The following SLC25A13 variants were observed in gnomAD, a reference collection of about 807,000 sequenced individuals.
SLC25A13 encodes the protein solute carrier family 25 member 13, also known as electrogenic aspartate/glutamate antiporter SLC25A13, mitochondrial.
In SLC25A13, 70 loss-of-function variants were observed where a neutral mutation model predicts 85.5. The observed-to-expected ratio is 0.82, with a 90% CI of 0.68 to 1.00. The LOEUF (loss-of-function observed/expected upper bound fraction) is 1.00. Among genes scored for constraint, SLC25A13 ranks in the 50% least tolerant of loss-of-function variants. The pLI is 0.00. For missense variants in SLC25A13, 765 were observed against 819.8 expected, an observed-to-expected ratio of 0.93 and a Z score of 0.82; for synonymous variants, 259 against 288.7, an observed-to-expected ratio of 0.90 and a Z score of 1.04.
chr7:96,293,920 C>T (rs1433092294), intron 2 of SLC25A13, among the ~76,000 whole-genome samples: 1 of 152,118 alleles, frequency 6.6e-6, no homozygotes, highest in Non-Finnish European at 1.5e-5. Context: ...CCCAGCAATC[C>T]CATTACTGGG....
intron 1 of SLC25A13, among the ~76,000 whole-genome samples, chr7:96,321,259 A>G (rs944990481): frequency 6.6e-6 from 1 of 152,208 alleles, no homozygotes; most frequent in Non-Finnish European, 1.5e-5. Flanking sequence ...ACAGGCTCCC[A>G]GGACAATCTG....
At chr7:96,222,931 C>T (rs1277008573) in intron 4 of SLC25A13, among the ~76,000 whole-genome samples, 1 of 152,110 alleles carries the variant, frequency 6.6e-6, no homozygotes, top group African/African-American at 2.4e-5. Context: ...ATAAACTATT[C>T]TACAATCAAT....
At chr7:96,266,240 C>T (rs766798968) in intron 3 of SLC25A13, among the ~76,000 whole-genome samples, 1 of 152,194 alleles carries the variant, frequency 6.6e-6, no homozygotes, top group Non-Finnish European at 1.5e-5. Flanking sequence ...TCAGGGACTT[C>T]CAGGAGTCCA....
At chr7:96,142,790 A>T (rs886570489) in intron 14 of SLC25A13, among the ~76,000 whole-genome samples, 2 of 152,220 alleles carry the variant, frequency 1.3e-5, no homozygotes, top group African/African-American at 4.8e-5. Flanking sequence ...TAAAAAAATC[A>T]ATCTCTCTTT....
intron 3 of SLC25A13, among the ~76,000 whole-genome samples, chr7:96,257,818 A>T (rs1415848025): frequency 6.6e-6 from 1 of 152,240 alleles, no homozygotes; most frequent in Non-Finnish European, 1.5e-5. Flanking sequence ...AATCCTCAAT[A>T]AAATACTGGC....
intron 15 of SLC25A13, among the ~76,000 whole-genome samples, chr7:96,128,939 G>GCTCTCTCTCTCTCA: frequency 1.2e-5 from 1 of 81,902 alleles, no homozygotes; most frequent in South Asian, 5.4e-4. Context: ...TGCCTTGCTT[G>GCTCTCTCTCTCTCA]CTCTCTCTCT....
intron 1 of SLC25A13, among the ~76,000 whole-genome samples, chr7:96,313,782 A>T (rs970509427): frequency 2.6e-5 from 4 of 152,156 alleles, no homozygotes; most frequent in Admixed American, 1.3e-4. Flanking sequence ...ATTATTTTTT[A>T]AAATGTACAT....
At chr7:96,128,507 C>A (rs1035839726) in intron 15 of SLC25A13, among the ~76,000 whole-genome samples, 4 of 152,104 alleles carry the variant, frequency 2.6e-5, no homozygotes, top group African/African-American at 9.7e-5. Flanking sequence ...AGCTTTGTAG[C>A]TTATTCACTC....
intron 3 of SLC25A13, among the ~76,000 whole-genome samples, chr7:96,247,557 T>C (rs1348944215): frequency 6.6e-6 from 1 of 152,156 alleles, no homozygotes; most frequent in Non-Finnish European, 1.5e-5. Context: ...AGATGAAAGA[T>C]TATTGTACCC....
At chr7:96,140,876 A>G (rs906447181) in intron 14 of SLC25A13, among the ~76,000 whole-genome samples, 1 of 151,568 alleles carries the variant, frequency 6.6e-6, no homozygotes, top group Non-Finnish European at 1.5e-5. Flanking sequence ...TTTTTCACAT[A>G]CATACGTGTT....
chr7:96,210,931 T>C (rs753342466), intron 4 of SLC25A13, among the ~76,000 whole-genome samples: 1 of 152,188 alleles, frequency 6.6e-6, no homozygotes, highest in African/African-American at 2.4e-5. Context: ...GTAATAATCA[T>C]AGGATAATTG....
intron 3 of SLC25A13, among the ~76,000 whole-genome samples, chr7:96,269,324 G>GT (rs1798146209): frequency 6.6e-6 from 1 of 152,282 alleles, no homozygotes; most frequent in African/African-American, 2.4e-5. Flanking sequence ...CAAGCTGGAG[G>GT]TGTTAAGGCC....
chr7:96,187,919 C>T (rs1029391), intron 9 of SLC25A13, among the ~76,000 whole-genome samples: 1 of 151,926 alleles, frequency 6.6e-6, no homozygotes, highest in Non-Finnish European at 1.5e-5. Flanking sequence ...AACCTCTAAG[C>T]GGCAGCGAAT....
At position 96,146,699 on chromosome 7, in the gene SLC25A13, A is replaced by G; in HGVS notation, c.1312-3T>C. 1 of 1,614,024 alleles carries G rather than the reference A, an allele frequency of 6.2e-7. No homozygotes were observed. The highest frequency in any genetic ancestry group is 8.5e-7 in the Non-Finnish European group (1 of 1,179,940). ...AAAATCACCTGGGAGCCTCCAGCCTAAAAAGAACAAAAAAGATTTAGGATC... is the reference window on the plus strand; with the variant it reads ...AAAATCACCTGGGAGCCTCCAGCCTGAAAAGAACAAAAAAGATTTAGGATC... On this transcript the variant is annotated splice_polypyrimidine_tract_variant and splice_region_variant and intron_variant, in intron 13 of 17. Coordinates refer to ENST00000265631, the MANE Select transcript of SLC25A13 (RefSeq NM_014251.3).
At chr7:96,249,913 G>A (rs1797345478) in intron 3 of SLC25A13, among the ~76,000 whole-genome samples, 1 of 151,212 alleles carries the variant, frequency 6.6e-6, no homozygotes, top group African/African-American at 2.4e-5. Flanking sequence ...GCCAGGCATG[G>A]TGGCTCACGC....
chr7:96,168,824 C>G (rs1340297419), intron 13 of SLC25A13, among the ~76,000 whole-genome samples: 2 of 152,198 alleles, frequency 1.3e-5, no homozygotes, highest in African/African-American at 4.8e-5. Context: ...AGGCTAGGCA[C>G]AGCCTATGGA....
intron 15 of SLC25A13, among the ~76,000 whole-genome samples, chr7:96,122,502 A>G (rs1304820394): frequency 1.3e-5 from 2 of 150,630 alleles, no homozygotes; most frequent in Non-Finnish European, 3.0e-5. Flanking sequence ...CCAAACCCCA[A>G]CCTCTCCAGT....
intron 3 of SLC25A13, among the ~76,000 whole-genome samples, chr7:96,257,073 G>C (rs565644857): frequency 1.5e-4 from 23 of 152,338 alleles, no homozygotes; most frequent in Admixed American, 1.4e-3. Flanking sequence ...GCAGTGTTTA[G>C]AGGGAAATTT....
chr7:96,249,591 T>G (rs1274948143), intron 3 of SLC25A13, among the ~76,000 whole-genome samples: 2 of 152,224 alleles, frequency 1.3e-5, no homozygotes, highest in African/African-American at 4.8e-5. Flanking sequence ...TTCCCCATTC[T>G]ATGCCATCCT....
Sources: gnomAD v4.1 joint callset for allele counts (sites outside exome capture counted in the v4.1 genomes callset) on GRCh38, gnomAD v4.1.1 for gene constraint, MANE v1.5 for transcripts, NCBI Gene and HGNC (gene_info 2026-07-23, HGNC 2026-07-21) for gene names.